TSPOAP1: variants seen among roughly 807,000 people sequenced by gnomAD.
TSPOAP1 encodes TSPO associated protein 1.
A neutral mutation model predicts 197.0 loss-of-function variants in TSPOAP1; 87 were observed. That is an observed-to-expected ratio of 0.44 (90% CI 0.37 to 0.53). The LOEUF is 0.53. TSPOAP1 is among the 20% of genes least tolerant of loss of function. The pLI is 0.00. For missense variants in TSPOAP1, 2,174 were observed against 2,411.3 expected, an observed-to-expected ratio of 0.90 and a Z score of 2.06; for synonymous variants, 913 against 998.9, an observed-to-expected ratio of 0.91 and a Z score of 1.62.
At position 58,307,878 on chromosome 17, in the gene TSPOAP1, C is replaced by T. The variant is rs144936306; in HGVS notation, c.4795G>A (p.Gly1599Ser). The part of the protein sequence containing the change: ...GSGRRGPQKR[G>S]VRVLRPSTAE... ...GTGCTTGGCCTGAGGACTCGGACAC[C>T]TCTCTTCTGGGGGCCCCTCCGCCCA... Residue 1599 changes from glycine to serine, a missense_variant, in exon 23 of 32, where the codon GGT becomes AGT. This residue lies in a region of TSPOAP1 where 1,933 missense variants were observed against 2,139.0 expected (regional missense o/e 0.90). Transcript: ENST00000343736. 3.4e-4 allele frequency: 541 copies of T among 1,613,658 alleles called. 3 individuals carry two copies. In the African/African-American group the frequency reaches 6.2e-3, roughly 19 times the overall value.
rs973739232 is a variant in TSPOAP1 at position 58,309,712 on chromosome 17, C to T, written c.3891+255G>A. On this transcript the variant is annotated intron_variant, in intron 21 of 31. Coordinates refer to ENST00000343736, the MANE Select transcript of TSPOAP1 (RefSeq NM_004758.4). This position sits in a 1 kb window ranked among gnomAD's most constrained non-coding sequence, Gnocchi z 5.0. ...AAGGATCTTAGGTGGCACCGGCCTC[C>T]CCTGGCCAGGGCGCTGTATCTGGTG... is the stretch of plus-strand genomic sequence containing the variant. 2.6e-5 allele frequency among the ~76,000 whole-genome samples: 4 copies of T among 152,246 alleles called. No individual in the cohort carries two copies. The highest frequency in any genetic ancestry group is 2.1e-4 in the South Asian group (1 of 4,838).
chr17:58,309,383 G>A lies in TSPOAP1; in HGVS notation c.3892-3C>T. ...TCACAAAAGGGGTCGGGCTGGGACT[G>A]GTGGAGGTGGGGAGGTGGGAGTAGA... On this transcript the variant is annotated splice_region_variant and splice_polypyrimidine_tract_variant and intron_variant, in intron 21 of 31. Coordinates refer to ENST00000343736, the MANE Select transcript of TSPOAP1 (RefSeq NM_004758.4). The surrounding 1 kb of genome is among the most constrained non-coding windows in gnomAD (Gnocchi z 5.0). 1 of 1,603,722 alleles carries A rather than the reference G, an allele frequency of 6.2e-7. No homozygotes were observed. Among genetic ancestry groups the A allele is most frequent in the East Asian group, 2.2e-5 (1 of 44,780 alleles).
chr17:58,323,114 C>T, intron 7 of TSPOAP1, 75 bp from the exon 8 acceptor site: 1 of 1,536,248 alleles, frequency 6.5e-7, no homozygotes, highest in Non-Finnish European at 8.9e-7. Context: ...AGGACCCTGC[C>T]CTCCTCCCAG....
rs956351769 is a variant in TSPOAP1, at chr17:58,304,381, C to T, written c.5563G>A (p.Val1855Ile). 6.2e-7 allele frequency: 1 copy of T among 1,613,844 alleles called. No individual in the cohort carries two copies. ...ATATCTATCTCCATCTAGCACTGGACTCTTCTCCTCCTCGTTCTCTGAGGA... is the reference window on the plus strand; with the variant it reads ...ATATCTATCTCCATCTAGCACTGGATTCTTCTCCTCCTCGTTCTCTGAGGA... ...AESQRTRRRR[V>I]QC Residue 1855 changes from valine (V) to isoleucine (I), a missense_variant, in exon 31 of 32, where the codon GTC becomes ATC. Physicochemically the swap from Val to Ile is conservative, Grantham distance 29 (BLOSUM62 3). Coordinates refer to ENST00000343736, the MANE Select transcript of TSPOAP1 (RefSeq NM_004758.4). This position sits in a 1 kb window ranked among gnomAD's most constrained non-coding sequence, Gnocchi z 4.2.
chr17:58,308,854 G>A lies in TSPOAP1; in HGVS notation c.4418C>T (p.Ser1473Phe). The change falls in exon 22 of 32, where the codon TCC becomes TTC. Residue 1473 changes from serine to phenylalanine, a missense_variant. Physicochemically the swap from Ser to Phe is radical, Grantham distance 155. This residue lies in a region of TSPOAP1 where 1,933 missense variants were observed against 2,139.0 expected (regional missense o/e 0.90). Coordinates refer to ENST00000343736, the MANE Select transcript of TSPOAP1 (RefSeq NM_004758.4). ...CGCCCGGCCACGGGAGCACCTCCGG[G>A]AAGGGCCCAGCCGGCCTCTCCCGCT... ...EASGRGRLGP[S>F]RRCSRGRALE... 3 of 1,609,316 alleles carry A rather than the reference G, an allele frequency of 1.9e-6. No individual in the cohort carries two copies. Among genetic ancestry groups the A allele is most frequent in the Non-Finnish European group, 2.5e-6 (3 of 1,177,646 alleles).
In TSPOAP1 at chr17:58,308,903, C is replaced by A; in HGVS notation, c.4369G>T (p.Gly1457Cys). The A allele has an allele frequency of 1.3e-6, 2 of 1,596,488 alleles. No individual in the cohort carries two copies. Among genetic ancestry groups the A allele is most frequent in the Non-Finnish European group, 1.7e-6 (2 of 1,170,996 alleles). ...CTAGCCTCTAGTCCAGTCCTGGGGCCCTCAATTACGGGGAGGCCACCCCTC... is the reference window on the plus strand; with the variant it reads ...CTAGCCTCTAGTCCAGTCCTGGGGCACTCAATTACGGGGAGGCCACCCCTC... ...RERGGLPVIE[G>C]PRTGLEASGR... Residue 1457 changes from glycine (G) to cysteine (C), a missense_variant, in exon 22 of 32, where the codon GGC (glycine) becomes TGC (cysteine). Transcript: ENST00000343736.
At chr17:58,305,924 C>T (rs1970875435) in intron 26 of TSPOAP1, 59 bp from the exon 27 acceptor site, 1 of 1,255,010 alleles carries the variant, frequency 8.0e-7, no homozygotes. Flanking sequence ...GCTGCAGGTG[C>T]TGCAGCGCAG....
At position 58,322,342 on chromosome 17, in the gene TSPOAP1, C is replaced by T. The variant is rs370827321; in HGVS notation, c.1388G>A (p.Arg463Gln). The T allele has an allele frequency of 1.4e-5, 23 of 1,604,808 alleles. No individual in the cohort carries two copies. The highest frequency in any genetic ancestry group is 2.7e-5 in the African/African-American group (2 of 74,934). ...VEHEQARLSL[R>Q]EKQEEVRRLQ... Reference sequence around the variant, plus strand: ...TCTCCGGACCTCCTCCTGCTTCTCCCGTAGGCTGAGCCGAGCCTGTTCATG... The same window carrying T: ...TCTCCGGACCTCCTCCTGCTTCTCCTGTAGGCTGAGCCGAGCCTGTTCATG... The change falls in exon 10 of 32, where the codon CGG becomes CAG. Residue 463 changes from arginine (R) to glutamine (Q), a missense_variant. Transcript: ENST00000343736. The surrounding 1 kb of genome is among the most constrained non-coding windows in gnomAD (Gnocchi z 5.0).
chr17:58,325,438 C>G, intron 4 of TSPOAP1, 96 bp downstream of exon 4: 1 of 1,498,682 alleles, frequency 6.7e-7, no homozygotes, highest in East Asian at 2.3e-5. Context: ...CCCTCCCTTT[C>G]ATTTGCGTCT....
Position 58,322,938 on chromosome 17 carries a change from C to T in TSPOAP1, c.1194+12G>A, listed in dbSNP as rs199738873. ...AGCACAGGTCTCCACAGCACCTGGG[C>T]GGAAGTGGTACCTGCTCCTTCTCTG... On this transcript the variant is annotated intron_variant, in intron 8 of 31. Coordinates refer to ENST00000343736, the MANE Select transcript of TSPOAP1 (RefSeq NM_004758.4). This position sits in a 1 kb window ranked among gnomAD's most constrained non-coding sequence, Gnocchi z 5.0. The T allele has an allele frequency of 1.3e-3, 2,030 of 1,607,636 alleles. 31 individuals are homozygous for T. The South Asian group carries it at 0.02, about 16-fold the overall frequency.
Position 58,302,206 on chromosome 17 carries a change from A to T in TSPOAP1, c.*274T>A. On this transcript the variant is annotated 3_prime_UTR_variant, in exon 32 of 32. Coordinates refer to ENST00000343736, the MANE Select transcript of TSPOAP1 (RefSeq NM_004758.4). ...GGCCCAGTCTGAGCCTTCCCTGCTCAGCAGAGACAGTGATCTGGGGGCCTC... is the reference window on the plus strand; with the variant it reads ...GGCCCAGTCTGAGCCTTCCCTGCTCTGCAGAGACAGTGATCTGGGGGCCTC... 2 of 1,271,102 alleles carry T rather than the reference A, an allele frequency of 1.6e-6. No individual in the cohort carries two copies. Among genetic ancestry groups the T allele is most frequent in the Non-Finnish European group, 2.0e-6 (2 of 977,442 alleles). The allele number at this position is 1,271,102 out of a possible 1,614,324, so 78.7% of individuals were successfully genotyped here. A position where few individuals can be genotyped will look rare whatever the true frequency, so the allele number is the denominator to read the frequency against.
At position 58,323,310 on chromosome 17, in the gene TSPOAP1, T is replaced by A. The variant is rs912869386; in HGVS notation, c.1092A>T (p.Arg364=). The A allele has an allele frequency of 1.1e-5, 17 of 1,614,020 alleles. No individual in the cohort carries two copies. In the African/African-American group the frequency reaches 1.5e-4, roughly 14 times the overall value. Residue 364 remains arginine, a synonymous_variant, in exon 7 of 32, where the codon CGA becomes CGT. Transcript: ENST00000343736. ...LEQEARKKQR[R]CEELELQLRQ... is the part of the protein sequence containing the mutation. Reference sequence around the variant, plus strand: ...CTCAAGAGCTCACCAGCTCCTCACATCGCCTCTGCTTTTTCCGGGCTTCCT... The same window carrying A: ...CTCAAGAGCTCACCAGCTCCTCACAACGCCTCTGCTTTTTCCGGGCTTCCT...
chr17:58,322,998 C>T lies in TSPOAP1; in HGVS notation c.1146G>A (p.Leu382=), dbSNP rs1055876852. 7 of 1,611,736 alleles carry T rather than the reference C, an allele frequency of 4.3e-6. No homozygotes were observed. The highest frequency in any genetic ancestry group is 5.9e-6 in the Non-Finnish European group (7 of 1,179,106). Residue 382 remains leucine, a synonymous_variant, in exon 8 of 32, where the codon CTG becomes CTA. Transcript: ENST00000343736. The surrounding 1 kb of genome is among the most constrained non-coding windows in gnomAD (Gnocchi z 5.0). ...CACTGAGCCGGGAGTTCTCCTCCAC[C>T]AGGCGGGCATTCTCATTCTGCGCTT... The part of the protein sequence containing the change: ...LRQAQNENAR[L]VEENSRLSGR...
intron 13 of TSPOAP1, 68 bp from the exon 14 acceptor site, chr17:58,318,520 C>T: frequency 6.7e-7 from 1 of 1,482,668 alleles, no homozygotes; most frequent in South Asian, 1.3e-5. Flanking sequence ...TAGGGTGGTG[C>T]TTCTTGGATA....
intron 14 of TSPOAP1, among the ~76,000 whole-genome samples, 168 bp downstream of exon 14, chr17:58,318,112 A>G (rs1971295267): frequency 6.6e-6 from 1 of 152,130 alleles, no homozygotes; most frequent in South Asian, 2.1e-4. Context: ...GAAGGGCTCC[A>G]CCTGAGCGCC....
rs373841647 is a variant in TSPOAP1, at chr17:58,320,117, A to T, written c.1486T>A (p.Ser496Thr). ...GGAGAACGAGGCGCTACCTGCATGGAATCCAAGGTAGACTGTTGCAGGAAA... is the reference window on the plus strand; with the variant it reads ...GGAGAACGAGGCGCTACCTGCATGGTATCCAAGGTAGACTGTTGCAGGAAA... Reference protein sequence around the residue: ...AVQLLESTLDSMQARVRELEE... With the variant: ...AVQLLESTLDTMQARVRELEE... Residue 496 changes from serine to threonine, a missense_variant, in exon 12 of 32, where the codon TCC becomes ACC. Ser to Thr is a moderately conservative substitution (Grantham distance 58). Around this residue, in one of 5 missense-constraint regions of TSPOAP1, gnomAD observed 1,933 missense variants for 2,139.0 expected, o/e 0.90. Transcript: ENST00000343736. The T allele has an allele frequency of 1.9e-6, 3 of 1,614,008 alleles. No homozygotes were observed. In the African/African-American group the frequency reaches 4.0e-5, roughly 22 times the overall value.
At position 58,320,545 on chromosome 17, in the gene TSPOAP1, C is replaced by A; in HGVS notation, c.1459G>T (p.Val487Leu). The change falls in exon 11 of 32, where the codon GTG becomes TTG. Residue 487 changes from valine (V) to leucine (L), a missense_variant. By Grantham distance (32) the Val-to-Leu change is conservative. Around this residue, in one of 5 missense-constraint regions of TSPOAP1, gnomAD observed 1,933 missense variants for 2,139.0 expected, o/e 0.90. Transcript: ENST00000343736. ...AEAQREHEGA[V>L]QLLESTLDSM... ...AGGCGCCCTACCTCCAGCAGCTGCA[C>A]GGCTCCTTCATGTTCCCTCTGGGCT... 1 of 1,505,082 alleles carries A rather than the reference C, an allele frequency of 6.6e-7. No homozygotes were observed. Among genetic ancestry groups the A allele is most frequent in the South Asian group, 1.4e-5 (1 of 73,114 alleles). 93.2% of individuals were successfully genotyped at this position (1,505,082 alleles called of 1,614,324 possible). A position where few individuals can be genotyped will look rare whatever the true frequency, so the allele number is the denominator to read the frequency against.
chr17:58,304,059 T>C lies in TSPOAP1; in HGVS notation c.*32+279A>G, dbSNP rs1420872712. The C allele has an allele frequency of 1.0e-5, 4 of 401,910 alleles. No individual in the cohort carries two copies. The highest frequency in any genetic ancestry group is 7.9e-5 in the Admixed American group (2 of 25,414). The allele number at this position is 401,910 out of a possible 1,614,324, so 24.9% of individuals were successfully genotyped here. ...CATGTTCTATAAACCACATGTGTTA[T>C]AGAATAGGAAGCATCAGCTAATATG... On this transcript the variant is annotated intron_variant, in intron 31 of 31. Transcript: ENST00000343736. This position sits in a 1 kb window ranked among gnomAD's most constrained non-coding sequence, Gnocchi z 4.2.
chr17:58,320,652 G>A (rs1971378351), intron 10 of TSPOAP1, 71 bp from the exon 11 acceptor site: 3 of 1,211,330 alleles, frequency 2.5e-6, no homozygotes, highest in Non-Finnish European at 3.3e-6. Flanking sequence ...GGGCTGCGAG[G>A]GAGGAAGGGT....
Sources: gnomAD v4.1 joint callset for allele counts (sites outside exome capture counted in the v4.1 genomes callset) on GRCh38, gnomAD v4.1.1 for gene constraint, gnomAD v4.1.1 regional missense constraint, Gnocchi (gnomAD v3.1) non-coding constraint, MANE v1.5 for transcripts, NCBI Gene and HGNC (gene_info 2026-07-23, HGNC 2026-07-21) for gene names.